The following ASAP3 variants were observed in gnomAD, a reference collection of about 807,000 sequenced individuals.
ASAP3 encodes the protein ArfGAP with SH3 domain, ankyrin repeat and PH domain 3, also known as arf-GAP with SH3 domain, ANK repeat and PH domain-containing protein 3.
A neutral mutation model predicts 118.2 loss-of-function variants in ASAP3; 85 were observed. That is an observed-to-expected ratio of 0.72 (90% CI 0.60 to 0.86). The LOEUF (loss-of-function observed/expected upper bound fraction) is 0.86. ASAP3 is among the 40% of genes least tolerant of loss of function. ASAP3 has a pLI of 0.00. For synonymous variants in ASAP3, 432 were observed against 477.4 expected (o/e 0.90, Z 1.24); for missense variants, 1,026 against 1,175.0 (o/e 0.87, Z 1.85).
At position 23,431,891 on chromosome 1, in the gene ASAP3, G is replaced by T; in HGVS notation, c.2351C>A (p.Ser784Ter). 6.2e-7 allele frequency: 1 copy of T among 1,610,988 alleles called. No individual in the cohort carries two copies. Among genetic ancestry groups the T allele is most frequent in the South Asian group, 1.1e-5 (1 of 90,546 alleles). ...GCTCTCAGGGGTCTCAGGGGCCTCT[G>T]AACTCAGGCTGGAGACTTCAGAACG... ...GDRSEVSSLS[S>*]EAPETPESLG... The change falls in exon 23 of 25, where the codon TCA becomes TAA. Residue 784 changes from serine to a stop codon, truncating the protein, a stop_gained. Transcript: ENST00000336689. LOFTEE classifies it high-confidence loss of function.
At chr1:23,456,305 C>T (rs1031561518) in intron 1 of ASAP3, 111 bp from the exon 2 acceptor site, 4 of 1,027,002 alleles carry the variant, frequency 3.9e-6, no homozygotes, top group Non-Finnish European at 5.8e-6. Context: ...CAAACAAATA[C>T]ATTGAGTTTT....
At chr1:23,439,283 C>T in intron 10 of ASAP3, 53 bp from the exon 11 acceptor site, 1 of 1,562,954 alleles carries the variant, frequency 6.4e-7, no homozygotes, top group South Asian at 1.1e-5. Context: ...ACCTAGTTCG[C>T]AGGTGTCAGA....
At chr1:23,483,654 G>A (rs1446674724) in intron 1 of ASAP3, among the ~76,000 whole-genome samples, 4 of 152,170 alleles carry the variant, frequency 2.6e-5, no homozygotes, top group Admixed American at 6.5e-5. Flanking sequence ...AGTGACTCGG[G>A]GGGCACACTT....
chr1:23,452,052 A>G (rs746835882), intron 4 of ASAP3, among the ~76,000 whole-genome samples: 5 of 152,158 alleles, frequency 3.3e-5, no homozygotes, highest in Non-Finnish European at 5.9e-5. Context: ...CCCCCTGCCT[A>G]GCTTGCCTAA....
At chr1:23,470,648 C>A (rs1219365446) in intron 1 of ASAP3, among the ~76,000 whole-genome samples, 1 of 152,232 alleles carries the variant, frequency 6.6e-6, no homozygotes, top group Admixed American at 6.5e-5. Context: ...TCAGGATCCC[C>A]TGGCCTCTTG....
chr1:23,475,851 G>A (rs1477648292), intron 1 of ASAP3, among the ~76,000 whole-genome samples: 2 of 152,178 alleles, frequency 1.3e-5, no homozygotes, highest in African/African-American at 2.4e-5. Flanking sequence ...GCATGTGCCT[G>A]TGGAAGCACG....
In ASAP3 at chr1:23,429,221, A is replaced by G. The variant is rs1433635333; in HGVS notation, c.*635T>C. On this transcript the variant is annotated 3_prime_UTR_variant, in exon 25 of 25. Transcript: ENST00000336689. ...GCCAGAATGGATGTGATCTGTAGAC[A>G]ATTGTAATGGTCATATAGGTATAAA... 1 of 152,286 alleles carries G rather than the reference A, an allele frequency of 6.6e-6. No individual in the cohort carries two copies. Among genetic ancestry groups the G allele is most frequent in the Non-Finnish European group, 1.5e-5 (1 of 68,144 alleles). 9.4% of individuals were successfully genotyped at this position (152,286 alleles called of 1,614,324 possible). A position where few individuals can be genotyped will look rare whatever the true frequency, so the allele number is the denominator to read the frequency against.
intron 17 of ASAP3, among the ~76,000 whole-genome samples, chr1:23,434,869 C>T (rs577680705): frequency 9.2e-5 from 14 of 152,242 alleles, no homozygotes; most frequent in East Asian, 3.9e-4. Context: ...TCTCAGCTCT[C>T]GGCTCCTCTC....
intron 1 of ASAP3, among the ~76,000 whole-genome samples, chr1:23,463,718 C>T (rs1393755167): frequency 2.6e-5 from 4 of 152,184 alleles, no homozygotes; most frequent in South Asian, 2.1e-4. Flanking sequence ...TCTCCTGCCT[C>T]AGCCTCCCGA....
At chr1:23,432,381 GC>G (rs1287698234) in intron 22 of ASAP3, among the ~76,000 whole-genome samples, 1 of 152,154 alleles carries the variant, frequency 6.6e-6, no homozygotes, top group Non-Finnish European at 1.5e-5. Context: ...AACTGATGAA[GC>G]CTTTGTTCGC....
chr1:23,445,857 T>G (rs1641031410), intron 5 of ASAP3, among the ~76,000 whole-genome samples: 1 of 151,584 alleles, frequency 6.6e-6, no homozygotes, highest in East Asian at 2.0e-4. Flanking sequence ...AGCATGGTCC[T>G]GTAAGTCCCA....
chr1:23,436,040 A>C lies in ASAP3; in HGVS notation c.1572-12T>G, dbSNP rs1326133193. The C allele has an allele frequency of 5.0e-6, 8 of 1,613,734 alleles. No homozygotes were observed. In the African/African-American group the frequency reaches 5.3e-5, roughly 11 times the overall value. On this transcript the variant is annotated splice_polypyrimidine_tract_variant and intron_variant, in intron 16 of 24. Transcript: ENST00000336689. The surrounding 1 kb of genome is among the most constrained non-coding windows in gnomAD (Gnocchi z 4.2). ...CCCTGCGGGTGCCCCTACCAAAAAC[A>C]ACCACAGGATCTCAGAGCATGGACC...
At chr1:23,439,657 C>T (rs1181287211) in intron 10 of ASAP3, among the ~76,000 whole-genome samples, 16 of 152,154 alleles carry the variant, frequency 1.1e-4, no homozygotes, top group Non-Finnish European at 1.5e-5. Flanking sequence ...ATAAAATTAG[C>T]AAGTCCATGA....
chr1:23,440,161 C>T (rs765720724), intron 10 of ASAP3, among the ~76,000 whole-genome samples: 6 of 148,712 alleles, frequency 4.0e-5, no homozygotes, highest in Non-Finnish European at 7.4e-5. Context: ...AAGCAAGGCA[C>T]AGCCAATACT....
chr1:23,469,510 C>T (rs377535976), intron 1 of ASAP3, among the ~76,000 whole-genome samples: 42 of 152,142 alleles, frequency 2.8e-4, no homozygotes, highest in African/African-American at 1.0e-3. Context: ...CATGTTCAAG[C>T]GGGACAAAGA....
At chr1:23,450,556 C>G (rs1278892825) in intron 5 of ASAP3, among the ~76,000 whole-genome samples, 3 of 149,316 alleles carry the variant, frequency 2.0e-5, no homozygotes, top group African/African-American at 7.4e-5. Context: ...AGTTTCTCCC[C>G]ATCCAACCTT....
chr1:23,442,792 A>C (rs1394903427), intron 5 of ASAP3, among the ~76,000 whole-genome samples, 180 bp from the exon 6 acceptor site: 2 of 152,160 alleles, frequency 1.3e-5, no homozygotes, highest in Non-Finnish European at 2.9e-5. Context: ...TGGGGGAGAA[A>C]GACATGAATC....
At chr1:23,473,984 T>TTTTTTTTTC (rs1642040882) in intron 1 of ASAP3, among the ~76,000 whole-genome samples, 1 of 135,604 alleles carries the variant, frequency 7.4e-6, no homozygotes, top group African/African-American at 2.8e-5. Context: ...CTTTTTTTTT[T>TTTTTTTTTC]TTTTTTTTTT....
chr1:23,437,463 G>A lies in ASAP3; in HGVS notation c.1112C>T (p.Thr371Met), dbSNP rs781148535. The change falls in exon 13 of 25, where the codon ACG becomes ATG. Residue 371 changes from threonine to methionine, a missense_variant. Physicochemically the swap from Thr to Met is moderately conservative, Grantham distance 81. Transcript: ENST00000336689. This position sits in a 1 kb window ranked among gnomAD's most constrained non-coding sequence, Gnocchi z 6.1. The stretch of plus-strand genomic sequence containing the variant: ...CTCGTCCTCTGCCTGAAAGTGGTAC[G>A]TCCGGTTGTCTGTCGGGAGAGAAGG... ...KCFDLVTHNR[T>M]YHFQAEDEHE... 2.5e-6 allele frequency: 4 copies of A among 1,613,996 alleles called. No individual in the cohort carries two copies. The East Asian group carries it at 6.7e-5, about 27-fold the overall frequency.
Sources: allele counts gnomAD v4.1 joint callset (sites outside exome capture counted in the v4.1 genomes callset), GRCh38; gene constraint gnomAD v4.1.1; non-coding constraint Gnocchi (gnomAD v3.1); transcripts MANE v1.5; gene names NCBI Gene and HGNC (gene_info 2026-07-23, HGNC 2026-07-21).